Variants in SMYD3 observed in about 807,000 individuals in gnomAD.
SMYD3 encodes histone-lysine N-methyltransferase SMYD3.
In SMYD3, 36 loss-of-function variants were observed where a neutral mutation model predicts 57.7. The ratio of observed to expected loss-of-function variants is 0.62; its 90% confidence interval spans 0.48 to 0.82. The LOEUF (loss-of-function observed/expected upper bound fraction) is 0.82. Among genes scored for constraint, SMYD3 ranks in the 40% least tolerant of loss-of-function variants. The probability of loss-of-function intolerance (pLI) is 0.00; values close to 1 mark genes in which losing one functional copy is unlikely to be tolerated. For synonymous variants in SMYD3, 211 were observed against 195.0 expected, an observed-to-expected ratio of 1.08 and a Z score of -0.68; for missense variants, 515 against 538.8, an observed-to-expected ratio of 0.96 and a Z score of 0.44.
chr1:246,304,983 T>C (rs532378523), intron 5 of SMYD3, among the ~76,000 whole-genome samples: 6 of 152,194 alleles, frequency 3.9e-5, no homozygotes, highest in South Asian at 4.1e-4. Context: ...AACTAACATA[T>C]ACCTGCTTGG....
chr1:246,443,956 C>T lies in SMYD3; in HGVS notation c.164+63098G>A, dbSNP rs186086436. 5.3e-3 allele frequency among the ~76,000 whole-genome samples: 804 copies of T among 152,110 alleles called. 1 individual carries two copies. The highest frequency in any genetic ancestry group is 7.5e-3 in the Non-Finnish European group (507 of 68,000). On this transcript the variant is annotated intron_variant, in intron 1 of 11. Coordinates refer to ENST00000490107, the MANE Select transcript of SMYD3 (RefSeq NM_001167740.2). ...TGCTAATCTGCCTTCCCTATAAACC[C>T]TCCCTCACCACCCATCACCACCACA...
chr1:245,829,283 T>C (rs2049699414), intron 10 of SMYD3, among the ~76,000 whole-genome samples: 1 of 152,146 alleles, frequency 6.6e-6, no homozygotes, highest in African/African-American at 2.4e-5. Flanking sequence ...AAGTATTTAT[T>C]GGGAGCCTAT....
intron 8 of SMYD3, among the ~76,000 whole-genome samples, chr1:245,896,093 C>A (rs1299873139): frequency 6.6e-6 from 1 of 152,192 alleles, no homozygotes; most frequent in Non-Finnish European, 1.5e-5. Context: ...TACTCAATCT[C>A]TCTTCATAGA....
chr1:246,257,369 C>T (rs1460185538), intron 5 of SMYD3, among the ~76,000 whole-genome samples: 1 of 152,202 alleles, frequency 6.6e-6, no homozygotes, highest in African/African-American at 2.4e-5. Flanking sequence ...ATTAAATCCT[C>T]TTGTTGAATT....
At chr1:246,376,189 C>T (rs1013231309) in intron 1 of SMYD3, among the ~76,000 whole-genome samples, 1 of 152,162 alleles carries the variant, frequency 6.6e-6, no homozygotes, top group African/African-American at 2.4e-5. Context: ...TACAGTATTA[C>T]ATATATATAC....
chr1:246,398,961 G>A (rs1450139466), intron 1 of SMYD3, among the ~76,000 whole-genome samples: 1 of 145,538 alleles, frequency 6.9e-6, no homozygotes, highest in Non-Finnish European at 1.5e-5. Flanking sequence ...GTAGATAGTT[G>A]TAGATTTTCT....
At chr1:246,443,497 T>C (rs1036541918) in intron 1 of SMYD3, among the ~76,000 whole-genome samples, 3 of 152,220 alleles carry the variant, frequency 2.0e-5, no homozygotes, top group East Asian at 1.9e-4. Flanking sequence ...ATGAAAGTTA[T>C]TCAGGTAGAT....
chr1:245,972,440 C>T (rs1473518755), intron 5 of SMYD3, among the ~76,000 whole-genome samples: 2 of 152,228 alleles, frequency 1.3e-5, no homozygotes, highest in Non-Finnish European at 2.9e-5. Flanking sequence ...CTTACAACCT[C>T]ATCATCTAGG....
intron 2 of SMYD3, among the ~76,000 whole-genome samples, chr1:246,346,312 A>G (rs1332830688): frequency 2.0e-5 from 3 of 151,918 alleles, no homozygotes; most frequent in East Asian, 1.9e-4. Context: ...AAAAAGAACT[A>G]CAGAACAGTT....
At chr1:246,268,667 G>A (rs865953330) in intron 5 of SMYD3, among the ~76,000 whole-genome samples, 4 of 152,020 alleles carry the variant, frequency 2.6e-5, no homozygotes, top group Middle Eastern at 6.8e-3. Flanking sequence ...TCTCGCCACT[G>A]CACACCAGCC....
intron 5 of SMYD3, among the ~76,000 whole-genome samples, chr1:246,110,419 G>A (rs1290042337): frequency 2.6e-5 from 4 of 152,184 alleles, no homozygotes; most frequent in Admixed American, 1.3e-4. Context: ...AACACTCAGG[G>A]GGCTACGGGT....
At chr1:246,231,813 A>G (rs2063412531) in intron 5 of SMYD3, among the ~76,000 whole-genome samples, 1 of 152,172 alleles carries the variant, frequency 6.6e-6, no homozygotes, top group Non-Finnish European at 1.5e-5. Flanking sequence ...ACAGCAATCA[A>G]TTTTTCAAAA....
chr1:246,095,499 G>A (rs377518348), intron 5 of SMYD3, among the ~76,000 whole-genome samples: 1 of 152,194 alleles, frequency 6.6e-6, no homozygotes, highest in Non-Finnish European at 1.5e-5. Context: ...GACAAATCAT[G>A]TCTAAAGGAT....
rs372427629 is a variant in SMYD3 at position 245,786,461 on chromosome 1, C to T, written c.1077-22312G>A. Among the ~76,000 whole-genome samples the T allele has an allele frequency of 6.5e-4, 99 of 152,228 alleles. No individual in the cohort carries two copies. In the South Asian group the frequency reaches 0.013, roughly 20 times the overall value. ...GCGAGGTGATTTGGCCAAGTCTTCA[C>T]GGCGTGAAAGGGCTGAGATCGGAAC... On this transcript the variant is annotated intron_variant, in intron 10 of 11. Transcript: ENST00000490107.
rs543013405 is a variant in SMYD3, at chr1:246,362,338, G to A, written c.165-7244C>T. 3.5e-4 allele frequency among the ~76,000 whole-genome samples: 53 copies of A among 151,600 alleles called. No homozygotes were observed. The South Asian group carries it at 0.01, about 29-fold the overall frequency. The stretch of plus-strand genomic sequence containing the variant: ...TACTTTAGACATGCTGAGTTGAGAT[G>A]CTTTAACTATCTCCCCCAAATCACC... On this transcript the variant is annotated intron_variant, in intron 1 of 11. Transcript: ENST00000490107.
intron 10 of SMYD3, among the ~76,000 whole-genome samples, chr1:245,817,208 G>A (rs1357403850): frequency 4.1e-5 from 6 of 146,996 alleles, no homozygotes; most frequent in Middle Eastern, 3.5e-3. Context: ...CTGAGAACGG[G>A]CAGACTGCCT....
At chr1:245,892,514 C>T (rs1441302950) in intron 8 of SMYD3, among the ~76,000 whole-genome samples, 1 of 152,194 alleles carries the variant, frequency 6.6e-6, no homozygotes, top group African/African-American at 2.4e-5. Flanking sequence ...ATGCTCTTTC[C>T]ACCGTATCAA....
At chr1:245,751,156 G>A (rs1235327713) in intron 11 of SMYD3, among the ~76,000 whole-genome samples, 2 of 152,138 alleles carry the variant, frequency 1.3e-5, no homozygotes, top group Non-Finnish European at 2.9e-5. Context: ...AGCTACTCCT[G>A]GAAATTTAGA....
chr1:245,878,633 G>A (rs890138393), intron 8 of SMYD3, among the ~76,000 whole-genome samples: 5 of 152,190 alleles, frequency 3.3e-5, no homozygotes, highest in Non-Finnish European at 7.3e-5. Context: ...GTCTGGGAGT[G>A]CTATAGAGAA....
Sources: gnomAD v4.1 joint callset for allele counts (sites outside exome capture counted in the v4.1 genomes callset) on GRCh38, gnomAD v4.1.1 for gene constraint, MANE v1.5 for transcripts, NCBI Gene and HGNC (gene_info 2026-07-23, HGNC 2026-07-21) for gene names.